The following NUBPL variants were observed in gnomAD, a reference collection of about 807,000 sequenced individuals.
NUBPL encodes the protein NUBP iron-sulfur cluster assembly factor, mitochondrial.
NUBPL carries 31 observed loss-of-function variants against 45.7 expected under a neutral mutation model. The observed-to-expected ratio is 0.68, with a 90% CI of 0.51 to 0.92. NUBPL has a LOEUF of 0.92. NUBPL is among the 40% of genes least tolerant of loss of function. NUBPL has a pLI of 0.00. For missense variants in NUBPL, 401 were observed against 398.7 expected (o/e 1.01, Z -0.05); for synonymous variants, 144 against 140.9 (o/e 1.02, Z -0.15).
intron 4 of NUBPL, among the ~76,000 whole-genome samples, chr14:31,658,594 C>T (rs1471281336): frequency 1.3e-5 from 2 of 151,760 alleles, no homozygotes; most frequent in Non-Finnish European, 2.9e-5. Flanking sequence ...CTCACTGCAG[C>T]CTCCACCTTC....
chr14:31,831,044 ATTTATTTATTTATTTT>A (rs1211833393), intron 8 of NUBPL, among the ~76,000 whole-genome samples: 1 of 151,414 alleles, frequency 6.6e-6, no homozygotes, highest in Non-Finnish European at 1.5e-5. Flanking sequence ...CTTTTTATTT[ATTTATTTATTTATTTT>A]TTTGAGACAG....
At chr14:31,774,208 G>C (rs2039059248) in intron 6 of NUBPL, among the ~76,000 whole-genome samples, 1 of 152,182 alleles carries the variant, frequency 6.6e-6, no homozygotes, top group African/African-American at 2.4e-5. Flanking sequence ...CATTGGCCTT[G>C]CTAGCAGAAT....
chr14:31,670,969 G>A (rs1466864985), intron 4 of NUBPL, among the ~76,000 whole-genome samples: 1 of 151,988 alleles, frequency 6.6e-6, no homozygotes, highest in Non-Finnish European at 1.5e-5. Context: ...TTTTTTGGTT[G>A]CTTATGAATT....
At chr14:31,619,075 A>G (rs7143829) in intron 4 of NUBPL, among the ~76,000 whole-genome samples, 79,107 of 151,984 alleles carry the variant, frequency 0.52, 22,484 homozygotes, top group Non-Finnish European at 0.63. Context: ...GTTGGTTTAA[A>G]GTCTGTTTTA....
At chr14:31,585,912 G>A (rs1268206211) in intron 3 of NUBPL, among the ~76,000 whole-genome samples, 1 of 152,114 alleles carries the variant, frequency 6.6e-6, no homozygotes, top group Non-Finnish European at 1.5e-5. Context: ...ATACAAGTAA[G>A]TATTTTCAGC....
intron 6 of NUBPL, among the ~76,000 whole-genome samples, chr14:31,739,212 A>G (rs867018330): frequency 2.1e-5 from 2 of 94,736 alleles, no homozygotes; most frequent in Non-Finnish European, 4.7e-5. Flanking sequence ...CTATATATAT[A>G]TTATATTATA....
chr14:31,626,211 G>A (rs1185754556), intron 4 of NUBPL, among the ~76,000 whole-genome samples: 1 of 151,960 alleles, frequency 6.6e-6, no homozygotes, highest in African/African-American at 2.4e-5. Flanking sequence ...AGGCTGGAGT[G>A]CAGTGGTGTG....
intron 6 of NUBPL, among the ~76,000 whole-genome samples, chr14:31,769,444 T>C (rs1050276663): frequency 9.9e-5 from 15 of 152,218 alleles, no homozygotes; most frequent in African/African-American, 3.1e-4. Context: ...TTAATGTTCT[T>C]TATTGGTATA....
chr14:31,638,854 C>A (rs1023287524), intron 4 of NUBPL, among the ~76,000 whole-genome samples: 2 of 152,192 alleles, frequency 1.3e-5, no homozygotes, highest in African/African-American at 4.8e-5. Flanking sequence ...ATCACTGATA[C>A]CCTTTCTTCC....
intron 6 of NUBPL, among the ~76,000 whole-genome samples, chr14:31,733,141 T>A (rs2038089937): frequency 6.6e-6 from 1 of 152,158 alleles, no homozygotes. Flanking sequence ...CCCATTTAAT[T>A]GACTTAAAGC....
chr14:31,630,424 A>G (rs185834472), intron 4 of NUBPL, among the ~76,000 whole-genome samples: 1 of 152,314 alleles, frequency 6.6e-6, no homozygotes, highest in Non-Finnish European at 1.5e-5. Flanking sequence ...TGATTAGGCT[A>G]GGCTAATCAG....
intron 6 of NUBPL, among the ~76,000 whole-genome samples, chr14:31,702,309 T>A (rs78962467): frequency 8.5e-5 from 13 of 152,186 alleles, no homozygotes; most frequent in Non-Finnish European, 1.9e-4. Flanking sequence ...AGAGTTTTTA[T>A]TGGGGCTCCG....
chr14:31,613,456 ATT>A (rs763346720), intron 4 of NUBPL, among the ~76,000 whole-genome samples: 1 of 145,900 alleles, frequency 6.9e-6, no homozygotes, highest in African/African-American at 2.5e-5. Context: ...GTGTAATTGG[ATT>A]TTTTTTTTTT....
chr14:31,853,954 G>A (rs1044887293), intron 10 of NUBPL, among the ~76,000 whole-genome samples: 2 of 152,216 alleles, frequency 1.3e-5, no homozygotes, highest in African/African-American at 4.8e-5. Flanking sequence ...ATGGACCTGT[G>A]ATTAGCTGAT....
intron 4 of NUBPL, among the ~76,000 whole-genome samples, chr14:31,625,738 AG>A (rs1403061958): frequency 6.6e-6 from 1 of 152,100 alleles, no homozygotes; most frequent in East Asian, 1.9e-4. Context: ...AGCCTCCCAA[AG>A]TGCTGAAATT....
intron 6 of NUBPL, among the ~76,000 whole-genome samples, chr14:31,748,316 T>C (rs533097582): frequency 6.6e-6 from 1 of 152,300 alleles, no homozygotes; most frequent in Admixed American, 6.5e-5. Flanking sequence ...GTTAGGTCCA[T>C]TTGGTCTATA....
At chr14:31,666,403 T>G (rs773121924) in intron 4 of NUBPL, among the ~76,000 whole-genome samples, 2 of 151,728 alleles carry the variant, frequency 1.3e-5, no homozygotes, top group Non-Finnish European at 2.9e-5. Flanking sequence ...TAGCTGGGAC[T>G]GCAGGTATGC....
At chr14:31,805,421 A>T (rs1261003536) in intron 7 of NUBPL, among the ~76,000 whole-genome samples, 1 of 152,244 alleles carries the variant, frequency 6.6e-6, no homozygotes, top group Admixed American at 6.5e-5. Context: ...CTGGGAGTAT[A>T]CCTGAAGGAA....
In NUBPL at chr14:31,713,672, AT is replaced by A. The variant is rs112495471; in HGVS notation, c.513+40106del. ...ACAACCCGTAGGAAATTTTTCTTCT[AT>A]TTTTTTTCTCTCTTGCTTAGAAACC... is the stretch of plus-strand genomic sequence containing the variant. On this transcript the variant is annotated intron_variant, in intron 6 of 10. Transcript: ENST00000281081. 6.8e-4 allele frequency among the ~76,000 whole-genome samples: 103 copies of A among 151,670 alleles called. 1 individual carries two copies. The highest frequency in any genetic ancestry group is 2.2e-3 in the African/African-American group (90 of 41,336).
Sources: allele counts gnomAD v4.1 joint callset (sites outside exome capture counted in the v4.1 genomes callset), GRCh38; gene constraint gnomAD v4.1.1; transcripts MANE v1.5; gene names NCBI Gene and HGNC (gene_info 2026-07-23, HGNC 2026-07-21).